Variants in ARPC5L observed in about 807,000 individuals in gnomAD.
ARPC5L encodes the protein actin-related protein 2/3 complex subunit 5-like protein.
ARPC5L carries 4 observed loss-of-function variants against 16.9 expected under a neutral mutation model. That is an observed-to-expected ratio of 0.24 (90% confidence interval 0.12 to 0.54). ARPC5L has a LOEUF of 0.54. ARPC5L is among the 20% of genes least tolerant of loss of function. ARPC5L has a pLI of 0.95. For missense variants in ARPC5L, 151 were observed against 201.9 expected, an observed-to-expected ratio of 0.75 and a Z score of 1.53; for synonymous variants, 78 against 82.6, an observed-to-expected ratio of 0.94 and a Z score of 0.30.
At chr9:124,875,760 C>T (rs1829424757) in intron 5 of ARPC5L, among the ~76,000 whole-genome samples, 1 of 152,228 alleles carries the variant, frequency 6.6e-6, no homozygotes, top group African/African-American at 2.4e-5. Context: ...CACACCCTCC[C>T]CTGCACACCC....
In ARPC5L at chr9:124,877,026, T is replaced by G; in HGVS notation, c.*86T>G. 1 of 1,036,244 alleles carries G rather than the reference T, an allele frequency of 9.7e-7. No homozygotes were observed. Among genetic ancestry groups the G allele is most frequent in the East Asian group, 2.5e-5 (1 of 40,106 alleles). The allele number at this position is 1,036,244 out of a possible 1,614,324, so 64.2% of individuals were successfully genotyped here. ...AGGGATTGACAATGGACCATCTTCC[T>G]AGGAACTCCCAAGTAAACTATTTCA... On this transcript the variant is annotated 3_prime_UTR_variant, in exon 6 of 6. Transcript: ENST00000353214.
At chr9:124,862,637 C>T (rs1291921244) in intron 1 of ARPC5L, among the ~76,000 whole-genome samples, 1 of 151,512 alleles carries the variant, frequency 6.6e-6, no homozygotes, top group Non-Finnish European at 1.5e-5. Flanking sequence ...CTGCCCCAGC[C>T]TCCCGAGTAG....
At chr9:124,876,137 G>C (rs1358672997) in intron 5 of ARPC5L, among the ~76,000 whole-genome samples, 1 of 152,144 alleles carries the variant, frequency 6.6e-6, no homozygotes, top group African/African-American at 2.4e-5. Context: ...AGGATTGCTG[G>C]AGCCCAGGAG....
chr9:124,876,902 T>C lies in ARPC5L; in HGVS notation c.424T>C (p.Ser142Pro). The C allele has an allele frequency of 6.2e-7, 1 of 1,613,474 alleles. No individual in the cohort carries two copies. The highest frequency in any genetic ancestry group is 8.5e-7 in the Non-Finnish European group (1 of 1,179,818). The change falls in exon 6 of 6, where the codon TCC becomes CCC. Residue 142 changes from serine to proline, a missense_variant. By Grantham distance (74) the Ser-to-Pro change is moderately conservative. Coordinates refer to ENST00000353214, the MANE Select transcript of ARPC5L (RefSeq NM_030978.3). Reference protein sequence around the residue: ...EKALAVGGLGSIIRVLTARKT... With the variant: ...EKALAVGGLGPIIRVLTARKT... ...GGCCTTAGCAGTAGGAGGACTAGGC[T>C]CCATTATAAGAGTTCTTACAGCAAG...
At chr9:124,874,831 G>A (rs751762900) in intron 4 of ARPC5L, 144 bp from the exon 5 acceptor site, 39 of 953,982 alleles carry the variant, frequency 4.1e-5, no homozygotes, top group Admixed American at 1.6e-4. Context: ...CACAAAAGAC[G>A]TTCTAACCCA....
At position 124,869,140 on chromosome 9, in the gene ARPC5L, G is replaced by GGCGGCGGCGGCTGCGC. The variant is rs750160696; in HGVS notation, c.-146_-131dup. 1 of 939,480 alleles carries GGCGGCGGCGGCTGCGC rather than the reference G, an allele frequency of 1.1e-6. No homozygotes were observed. The highest frequency in any genetic ancestry group is 1.7e-5 in the African/African-American group (1 of 57,822). 58.2% of individuals were successfully genotyped at this position (939,480 alleles called of 1,614,324 possible). A position where few individuals can be genotyped will look rare whatever the true frequency, so the allele number is the denominator to read the frequency against. ...ATCCGGCGGGTGCCGGAAGTGGGCG[G>GGCGGCGGCGGCTGCGC]GCGGCGGCGGCTGCGCGCGGAGGCG... On this transcript the variant is annotated 5_prime_UTR_variant, in exon 3 of 6. Transcript: ENST00000353214.
At position 124,868,994 on chromosome 9, in the gene ARPC5L, C is replaced by T. The variant is rs1481284744; in HGVS notation, c.-297C>T. On this transcript the variant is annotated 5_prime_UTR_variant, in exon 3 of 6. Coordinates refer to ENST00000353214, the MANE Select transcript of ARPC5L (RefSeq NM_030978.3). Reference sequence around the variant, plus strand: ...GCGGGGCCTGCACAGATGCCGGGCGCCCGATCCTCAGTGACAAAATAGAGA... The same window carrying T: ...GCGGGGCCTGCACAGATGCCGGGCGTCCGATCCTCAGTGACAAAATAGAGA... 2 of 301,570 alleles carry T rather than the reference C, an allele frequency of 6.6e-6. No homozygotes were observed. Among genetic ancestry groups the T allele is most frequent in the Non-Finnish European group, 1.2e-5 (2 of 164,158 alleles). The allele number at this position is 301,570 out of a possible 1,614,324, so 18.7% of individuals were successfully genotyped here.
intron 1 of ARPC5L, among the ~76,000 whole-genome samples, chr9:124,863,176 A>G (rs1017496126): frequency 5.9e-5 from 9 of 151,486 alleles, no homozygotes; most frequent in African/African-American, 2.2e-4. Context: ...ATTTTTTGAG[A>G]TGGAGTCTGG....
rs140330766 is a variant in ARPC5L, at chr9:124,873,517, C to T, written c.150-175C>T. 1.4e-3 allele frequency: 970 copies of T among 669,996 alleles called. 5 individuals are homozygous for T. The highest frequency in any genetic ancestry group is 7.1e-3 in the South Asian group (401 of 56,462). The allele number at this position is 669,996 out of a possible 1,614,324, so 41.5% of individuals were successfully genotyped here. The stretch of plus-strand genomic sequence containing the variant: ...GGTTTGCATGGTTGGCAGAGGTGCC[C>T]TGCAGCCTCCCTGTGCAGGCTGTAA... On this transcript the variant is annotated intron_variant, in intron 3 of 5. Coordinates refer to ENST00000353214, the MANE Select transcript of ARPC5L (RefSeq NM_030978.3).
chr9:124,866,198 G>A (rs1348984031), intron 2 of ARPC5L, among the ~76,000 whole-genome samples: 2 of 152,080 alleles, frequency 1.3e-5, no homozygotes, highest in African/African-American at 4.8e-5. Flanking sequence ...GAGGTCAGGA[G>A]TTTGAAACCA....
At position 124,874,140 on chromosome 9, in the gene ARPC5L, C is replaced by G. The variant is rs118080579; in HGVS notation, c.222+376C>G. ...AAGTACCCGTACGCTTTCCTACCTT[C>G]TAAAAACTAAATTGTGCTTACTGCA... On this transcript the variant is annotated intron_variant, in intron 4 of 5. Coordinates refer to ENST00000353214, the MANE Select transcript of ARPC5L (RefSeq NM_030978.3). Among the ~76,000 whole-genome samples the G allele has an allele frequency of 1.3e-4, 20 of 152,340 alleles. No individual in the cohort carries two copies. The East Asian group carries it at 3.9e-3, about 29-fold the overall frequency.
chr9:124,870,756 G>A (rs979020369), intron 3 of ARPC5L, among the ~76,000 whole-genome samples: 6 of 152,196 alleles, frequency 3.9e-5, no homozygotes, highest in African/African-American at 4.8e-5. Flanking sequence ...CCAGGGTCAG[G>A]CCTTTGGCCC....
intron 2 of ARPC5L, among the ~76,000 whole-genome samples, chr9:124,866,913 A>T (rs1438582512): frequency 6.6e-6 from 1 of 152,052 alleles, no homozygotes; most frequent in East Asian, 1.9e-4. Context: ...CAGACTTCTG[A>T]TCTATTACTG....
At chr9:124,875,254 C>A in intron 5 of ARPC5L, 103 bp downstream of exon 5, 2 of 1,326,092 alleles carry the variant, frequency 1.5e-6, no homozygotes, top group Admixed American at 2.2e-5. Flanking sequence ...GTCTGATAGG[C>A]GTGTGGGGTC....
In ARPC5L at chr9:124,870,983, C is replaced by T. The variant is rs927970943; in HGVS notation, c.149+1544C>T. Among the ~76,000 whole-genome samples the T allele has an allele frequency of 1.4e-4, 21 of 152,180 alleles. 1 individual carries two copies. Among genetic ancestry groups the T allele is most frequent in the Non-Finnish European group, 1.5e-5 (1 of 68,034 alleles). On this transcript the variant is annotated intron_variant, in intron 3 of 5. Coordinates refer to ENST00000353214, the MANE Select transcript of ARPC5L (RefSeq NM_030978.3). ...AAACCTTGTTACCATGGAGAGTGCT[C>T]CACTTGGGGTTGGGGAAAGGGAGGT...
chr9:124,875,198 T>TG, intron 5 of ARPC5L, 47 bp downstream of exon 5: 4 of 1,588,988 alleles, frequency 2.5e-6, no homozygotes, highest in Non-Finnish European at 3.4e-6. Context: ...TGGCTTGCCT[T>TG]GGGGTTCGAT....
chr9:124,873,651 A>C, intron 3 of ARPC5L, 41 bp from the exon 4 acceptor site: 1 of 1,609,234 alleles, frequency 6.2e-7, no homozygotes, highest in Admixed American at 1.7e-5. Context: ...GACGGCATGG[A>C]TGTGCTTGAG....
At position 124,863,601 on chromosome 9, in the gene ARPC5L, T is replaced by C. The variant is rs567898787; in HGVS notation, c.-983-387T>C. Reference sequence around the variant, plus strand: ...GCATTTATGAGAATTAGAGGAGATATCTGTAAAGCTGTTAACCCGAAATCT... The same window carrying C: ...GCATTTATGAGAATTAGAGGAGATACCTGTAAAGCTGTTAACCCGAAATCT... On this transcript the variant is annotated intron_variant, in intron 1 of 5. Coordinates refer to ENST00000353214, the MANE Select transcript of ARPC5L (RefSeq NM_030978.3). Among the ~76,000 whole-genome samples the C allele has an allele frequency of 3.9e-5, 6 of 152,302 alleles. No individual in the cohort carries two copies. In the South Asian group the frequency reaches 1.2e-3, roughly 32 times the overall value.
At chr9:124,870,199 C>A (rs1008790055) in intron 3 of ARPC5L, among the ~76,000 whole-genome samples, 1 of 152,168 alleles carries the variant, frequency 6.6e-6, no homozygotes, top group South Asian at 2.1e-4. Flanking sequence ...AAACCAGACA[C>A]CTTGAAGCGA....
Sources: allele counts gnomAD v4.1 joint callset (sites outside exome capture counted in the v4.1 genomes callset), GRCh38; gene constraint gnomAD v4.1.1; transcripts MANE v1.5; gene names NCBI Gene and HGNC (gene_info 2026-07-23, HGNC 2026-07-21).